THSD7B: variants seen among roughly 807,000 people sequenced by gnomAD.
THSD7B encodes thrombospondin type-1 domain-containing protein 7B.
A neutral mutation model predicts 213.6 loss-of-function variants in THSD7B; 138 were observed. That is an observed-to-expected ratio of 0.65 (90% CI 0.56 to 0.74). THSD7B has a LOEUF of 0.74. THSD7B is among the 30% of genes least tolerant of loss of function. The probability of loss-of-function intolerance (pLI) is 0.00; values close to 1 mark genes in which losing one functional copy is unlikely to be tolerated. For missense variants in THSD7B, 1,931 were observed against 1,991.5 expected (o/e 0.97, Z 0.58); for synonymous variants, 742 against 687.0 (o/e 1.08, Z -1.25).
rs1688420083 is a variant in THSD7B at position 137,115,051 on chromosome 2, G to T, written c.1200-73G>T. On this transcript the variant is annotated intron_variant, in intron 4 of 27. Coordinates refer to ENST00000409968, the MANE Select transcript of THSD7B (RefSeq NM_001316349.2). ...GAGAGATTATGCCTCTTGATGTCAT[G>T]ACTTAAGTTTTCCTCAGAGTTGTAT... The T allele has an allele frequency of 1.9e-6, 3 of 1,563,680 alleles. No individual in the cohort carries two copies. In the South Asian group the frequency reaches 3.4e-5, roughly 18 times the overall value.
At chr2:136,780,794 T>C (rs1373978889) in intron 1 of THSD7B, among the ~76,000 whole-genome samples, 2 of 152,226 alleles carry the variant, frequency 1.3e-5, no homozygotes, top group Non-Finnish European at 2.9e-5. Flanking sequence ...TACAAAGGCA[T>C]TTCTTGTTTT....
At chr2:137,127,989 A>G (rs1182781924) in intron 5 of THSD7B, among the ~76,000 whole-genome samples, 1 of 152,152 alleles carries the variant, frequency 6.6e-6, no homozygotes, top group East Asian at 1.9e-4. Context: ...AACACAATAA[A>G]TATAGGGAAA....
At chr2:137,140,574 G>T (rs1679560431) in intron 5 of THSD7B, among the ~76,000 whole-genome samples, 1 of 140,988 alleles carries the variant, frequency 7.1e-6, no homozygotes, top group Non-Finnish European at 1.6e-5. Context: ...TTTCCTGCCA[G>T]TTCTAAATAT....
intron 12 of THSD7B, among the ~76,000 whole-genome samples, chr2:137,391,387 T>A (rs4954502): frequency 0.56 from 84,981 of 151,694 alleles, 26,980 homozygotes; most frequent in East Asian, 0.77. Flanking sequence ...CAATTTTTTT[T>A]AAAATCTTTT....
Position 137,308,833 on chromosome 2 carries a change from T to A in THSD7B, c.2500+32807T>A, listed in dbSNP as rs535252873. On this transcript the variant is annotated intron_variant, in intron 12 of 27. Coordinates refer to ENST00000409968, the MANE Select transcript of THSD7B (RefSeq NM_001316349.2). ...TACTGACACACAACTGTTTTTTTCCTTGCTAACACTTTGCAGACATATCTT... is the reference window on the plus strand; with the variant it reads ...TACTGACACACAACTGTTTTTTTCCATGCTAACACTTTGCAGACATATCTT... Among the ~76,000 whole-genome samples, 294 of 152,262 alleles carry A rather than the reference T, an allele frequency of 1.9e-3. 4 individuals are homozygous for A. In the Middle Eastern group the frequency reaches 0.034, roughly 18 times the overall value.
Position 137,670,717 on chromosome 2 carries a change from C to T in THSD7B, c.4739+2856C>T, listed in dbSNP as rs180860954. ...CGGGCGGATCACGAGGTCAGGAGAT[C>T]GAGACCATCCTATCTAACACAGTGA... On this transcript the variant is annotated intron_variant, in intron 27 of 27. Coordinates refer to ENST00000409968, the MANE Select transcript of THSD7B (RefSeq NM_001316349.2). 3.5e-3 allele frequency among the ~76,000 whole-genome samples: 534 copies of T among 152,054 alleles called. 5 individuals are homozygous for T. Among genetic ancestry groups the T allele is most frequent in the African/African-American group, 0.012 (501 of 41,488 alleles).
At chr2:137,184,262 C>T (rs1237315782) in intron 7 of THSD7B, among the ~76,000 whole-genome samples, 2 of 152,110 alleles carry the variant, frequency 1.3e-5, no homozygotes, top group African/African-American at 2.4e-5. Flanking sequence ...ATTACAAGGG[C>T]CTTAGTCCCA....
At chr2:137,317,007 G>A (rs1032644042) in intron 12 of THSD7B, among the ~76,000 whole-genome samples, 3 of 152,160 alleles carry the variant, frequency 2.0e-5, no homozygotes, top group African/African-American at 7.2e-5. Flanking sequence ...GGGAAAAAGT[G>A]TAGAATTTAG....
intron 12 of THSD7B, among the ~76,000 whole-genome samples, chr2:137,351,369 G>T (rs973848559): frequency 6.6e-6 from 1 of 151,858 alleles, no homozygotes; most frequent in African/African-American, 2.4e-5. Context: ...TGTTCAGCAG[G>T]ACACAATATT....
intron 12 of THSD7B, among the ~76,000 whole-genome samples, chr2:137,280,520 T>C (rs1040751670): frequency 6.6e-6 from 1 of 152,118 alleles, no homozygotes; most frequent in Admixed American, 6.6e-5. Flanking sequence ...CGTGTAATAA[T>C]TTTTCAGTTA....
chr2:137,436,034 C>A (rs2105046792), intron 14 of THSD7B, among the ~76,000 whole-genome samples: 1 of 152,208 alleles, frequency 6.6e-6, no homozygotes, highest in African/African-American at 2.4e-5. Context: ...TCATAATTTC[C>A]CCTTTCAGTC....
At chr2:136,845,250 C>T (rs182516552) in intron 1 of THSD7B, among the ~76,000 whole-genome samples, 2 of 152,020 alleles carry the variant, frequency 1.3e-5, no homozygotes, top group South Asian at 2.1e-4. Context: ...AATAGCGTAG[C>T]GGTAAAGGGA....
intron 12 of THSD7B, among the ~76,000 whole-genome samples, chr2:137,315,534 C>T (rs1350369275): frequency 6.6e-6 from 1 of 152,110 alleles, no homozygotes; most frequent in Non-Finnish European, 1.5e-5. Context: ...GCTCCTCCCC[C>T]ACTATATGTA....
intron 1 of THSD7B, among the ~76,000 whole-genome samples, chr2:136,788,248 C>T (rs909105120): frequency 1.4e-4 from 22 of 152,168 alleles, no homozygotes; most frequent in African/African-American, 5.3e-4. Flanking sequence ...GTTATGCATA[C>T]ACTACAAATC....
At chr2:137,217,245 A>G (rs1484537259) in intron 7 of THSD7B, among the ~76,000 whole-genome samples, 1 of 152,150 alleles carries the variant, frequency 6.6e-6, no homozygotes, top group African/African-American at 2.4e-5. Flanking sequence ...ATTATTTTTT[A>G]CACTCTTCCG....
chr2:136,999,306 TG>T (rs1403633157), intron 2 of THSD7B, among the ~76,000 whole-genome samples: 1 of 152,180 alleles, frequency 6.6e-6, no homozygotes, highest in Admixed American at 6.5e-5. Context: ...TAGAAATTCC[TG>T]GTGAATCCTT....
chr2:137,520,877 A>T (rs115793133), intron 15 of THSD7B, among the ~76,000 whole-genome samples: 3,563 of 152,326 alleles, frequency 0.023, 152 homozygotes, highest in African/African-American at 0.082. Flanking sequence ...ATGAATCATG[A>T]TTCGTGCTTA....
chr2:137,289,286 A>G (rs552149493), intron 12 of THSD7B, among the ~76,000 whole-genome samples: 136 of 145,734 alleles, frequency 9.3e-4, no homozygotes, highest in Non-Finnish European at 1.2e-3. Flanking sequence ...ATCCTCAATT[A>G]AAAAAAAAAA....
chr2:137,331,794 G>A (rs1022386115), intron 12 of THSD7B, among the ~76,000 whole-genome samples: 59 of 152,186 alleles, frequency 3.9e-4, no homozygotes, highest in Admixed American at 4.6e-4. Context: ...CGAGCGCAGC[G>A]CTCGTGGGCT....
Sources: gnomAD v4.1 joint callset for allele counts (sites outside exome capture counted in the v4.1 genomes callset) on GRCh38, gnomAD v4.1.1 for gene constraint, MANE v1.5 for transcripts, NCBI Gene and HGNC (gene_info 2026-07-23, HGNC 2026-07-21) for gene names.